Variants in ORC6 observed in about 807,000 individuals in gnomAD.
ORC6 encodes the protein origin recognition complex subunit 6.
In ORC6, 31 loss-of-function variants were observed where a neutral mutation model predicts 30.0. That is an observed-to-expected ratio of 1.03 (90% CI 0.78 to 1.40). The LOEUF (loss-of-function observed/expected upper bound fraction) is 1.40, where lower values mean the gene tolerates loss of function less well. ORC6 is among the 40% of genes most tolerant of loss of function. The pLI is 0.00. For synonymous variants in ORC6, 136 were observed against 111.2 expected (o/e 1.22, Z -1.40); for missense variants, 340 against 304.3 (o/e 1.12, Z -0.87).
In ORC6 at chr16:46,689,724, G is replaced by T. The variant is rs199877491; in HGVS notation, c.19G>T (p.Gly7Trp). The change falls in exon 1 of 7, where the codon GGG (glycine) becomes TGG (tryptophan). Residue 7 changes from glycine to tryptophan, a missense_variant. Physicochemically the swap from Gly to Trp is radical, Grantham distance 184 (BLOSUM62 -2). Coordinates refer to ENST00000219097, the MANE Select transcript of ORC6 (RefSeq NM_014321.4). ...CGGCGCCATGGGGTCGGAGCTGATC[G>T]GGCGCCTAGCCCCGCGCCTGGGCCT... MGSELI[G>W]RLAPRLGLAE... The T allele has an allele frequency of 1.9e-6, 3 of 1,602,448 alleles. No individual in the cohort carries two copies. Among genetic ancestry groups the T allele is most frequent in the East Asian group, 2.2e-5 (1 of 44,484 alleles).
chr16:46,693,223 CA>C (rs1966469947), intron 4 of ORC6, 41 bp downstream of exon 4: 1 of 1,338,146 alleles, frequency 7.5e-7, no homozygotes, highest in African/African-American at 1.4e-5. Flanking sequence ...TACCAATTTA[CA>C]AGTGGGTTTT....
rs776126119 is a variant in ORC6 at position 46,689,709 on chromosome 16, G to A, written c.4G>A (p.Gly2Arg). 3.7e-5 allele frequency: 59 copies of A among 1,601,218 alleles called. No homozygotes were observed. The highest frequency in any genetic ancestry group is 4.8e-5 in the Non-Finnish European group (56 of 1,174,018). The change falls in exon 1 of 7, where the codon GGG (glycine) becomes AGG (arginine). Residue 2 changes from glycine to arginine, a missense_variant. Transcript: ENST00000219097. ...TGTTCGCTTTAGTGCCGGCGCCATGGGGTCGGAGCTGATCGGGCGCCTAGC... is the reference window on the plus strand; with the variant it reads ...TGTTCGCTTTAGTGCCGGCGCCATGAGGTCGGAGCTGATCGGGCGCCTAGC... MGSELIGRLAPR... is the reference protein window; with the variant it reads MRSELIGRLAPR...
chr16:46,695,992 T>G, intron 5 of ORC6, 25 bp from the exon 6 acceptor site: 1 of 1,574,788 alleles, frequency 6.4e-7, no homozygotes. Context: ...AGGAGAAAAA[T>G]TAACCTTGAT....
intron 3 of ORC6, among the ~76,000 whole-genome samples, 180 bp downstream of exon 3, chr16:46,692,725 G>A (rs1376272736): frequency 6.6e-6 from 1 of 151,942 alleles, no homozygotes; most frequent in African/African-American, 2.4e-5. Flanking sequence ...AAAATTAGCT[G>A]GGCGAGGCGT....
rs1966459464 is a variant in ORC6, at chr16:46,692,626, T to C, written c.359+81T>C. On this transcript the variant is annotated intron_variant, in intron 3 of 6. Coordinates refer to ENST00000219097, the MANE Select transcript of ORC6 (RefSeq NM_014321.4). ...GGCTCACGCCTGTAATCCCAGCACT[T>C]TGGGAGGCCAAGTTGGGTGGATCAT... 4.6e-5 allele frequency: 59 copies of C among 1,274,620 alleles called. 2 individuals are homozygous for C. In the South Asian group the frequency reaches 6.9e-4, roughly 15 times the overall value. 79.0% of individuals were successfully genotyped at this position (1,274,620 alleles called of 1,614,324 possible). A position where few individuals can be genotyped will look rare whatever the true frequency, so the allele number is the denominator to read the frequency against.
intron 4 of ORC6, 80 bp downstream of exon 4, chr16:46,693,262 G>A (rs1442728282): frequency 4.7e-6 from 4 of 850,224 alleles, no homozygotes; most frequent in Non-Finnish European, 8.2e-6. Flanking sequence ...TTCTAACTTA[G>A]TTGATATCAA....
At chr16:46,689,925 C>A in intron 1 of ORC6, 155 bp downstream of exon 1, 2 of 1,147,350 alleles carry the variant, frequency 1.7e-6, no homozygotes, top group East Asian at 2.8e-5. Context: ...AGAAAAACTT[C>A]TCGGCCGTGA....
intron 6 of ORC6, chr16:46,696,293 T>C (rs1470095967): frequency 5.0e-6 from 3 of 594,998 alleles, no homozygotes; most frequent in Non-Finnish European, 9.1e-6. Context: ...CAGTGGCTTA[T>C]TCCTGTAATC....
intron 4 of ORC6, chr16:46,694,557 C>T (rs1272210139): frequency 7.0e-6 from 1 of 142,908 alleles, no homozygotes; most frequent in African/African-American, 2.5e-5. Context: ...CCCCACCTCC[C>T]TCCCGGACGG....
In ORC6 at chr16:46,692,592, G is replaced by T. The variant is rs536039154; in HGVS notation, c.359+47G>T. ...AATTGAAAATGTATACCAATAGGCCGGGCGTGGTGGCTCACGCCTGTAATC... is the reference window on the plus strand; with the variant it reads ...AATTGAAAATGTATACCAATAGGCCTGGCGTGGTGGCTCACGCCTGTAATC... On this transcript the variant is annotated intron_variant, in intron 3 of 6. Transcript: ENST00000219097. 115 of 1,535,486 alleles carry T rather than the reference G, an allele frequency of 7.5e-5. No individual in the cohort carries two copies. In the East Asian group the frequency reaches 2.5e-3, roughly 33 times the overall value.
At chr16:46,691,933 C>CAA in intron 2 of ORC6, among the ~76,000 whole-genome samples, 1 of 1,564 alleles carries the variant, frequency 6.4e-4, no homozygotes, top group African/African-American at 9.1e-4. Context: ...TTCTCTCCTG[C>CAA]ACACACACAC....
In ORC6 at chr16:46,697,584, G is replaced by C; in HGVS notation, c.758G>C (p.Ter253SerextTer32). 6.2e-7 allele frequency: 1 copy of C among 1,614,058 alleles called. No homozygotes were observed. The highest frequency in any genetic ancestry group is 8.5e-7 in the Non-Finnish European group (1 of 1,179,914). ...AGTGCTCAAAAGGCTACAGCAGAGT[G>C]ATTTCAGCTTCCAAACTGGTATACA... ...AASAQKATAE[*>S] Residue 253 changes from the stop codon to serine, a stop_lost, in exon 7 of 7, where the codon TGA becomes TCA. Transcript: ENST00000219097.
At position 46,691,932 on chromosome 16, in the gene ORC6, G is replaced by GCACACA. The variant is rs34549741; in HGVS notation, c.196-428_196-423dup. Among the ~76,000 whole-genome samples the GCACACA allele has an allele frequency of 2.6e-3, 155 of 59,248 alleles. 25 individuals carry two copies. Among genetic ancestry groups the GCACACA allele is most frequent in the Middle Eastern group, 0.014 (1 of 74 alleles). The allele number at this position is 59,248 out of a possible 152,430, so 38.9% of individuals were successfully genotyped here. On this transcript the variant is annotated intron_variant, in intron 2 of 6. Transcript: ENST00000219097. Reference sequence around the variant, plus strand: ...AGTTTCCTTTTCCTCTTTCTCTCCTGCACACACACACACACACACACACAC... The same window carrying GCACACA: ...AGTTTCCTTTTCCTCTTTCTCTCCTGCACACACACACACACACACACACACACACAC...
rs765710582 is a variant in ORC6 at position 46,697,820 on chromosome 16, A to G, written c.*235A>G. On this transcript the variant is annotated 3_prime_UTR_variant, in exon 7 of 7. Transcript: ENST00000219097. ...GTATAGCCTTATGTGCTTTCCTACA[A>G]AATGGAATTGGAGGCCGGGCGCAGT... 3 of 615,102 alleles carry G rather than the reference A, an allele frequency of 4.9e-6. No homozygotes were observed. The highest frequency in any genetic ancestry group is 9.0e-6 in the Non-Finnish European group (3 of 332,606). 38.1% of individuals were successfully genotyped at this position (615,102 alleles called of 1,614,324 possible). A position where few individuals can be genotyped will look rare whatever the true frequency, so the allele number is the denominator to read the frequency against.
Position 46,691,958 on chromosome 16 carries a change from A to ACACACACACACACACTCTCT in ORC6, c.196-423_196-422insACACACACACACACTCTCTC. Among the ~76,000 whole-genome samples the ACACACACACACACACTCTCT allele has an allele frequency of 3.5e-4, 13 of 36,660 alleles. 1 individual carries two copies. Among genetic ancestry groups the ACACACACACACACACTCTCT allele is most frequent in the African/African-American group, 1.2e-3 (13 of 10,440 alleles). 24.1% of individuals were successfully genotyped at this position (36,660 alleles called of 152,430 possible). On this transcript the variant is annotated intron_variant, in intron 2 of 6. Transcript: ENST00000219097. ...CACACACACACACACACACACACAC[A>ACACACACACACACACTCTCT]CTCTCTCTCTCTCTCTCTCTCTCAC...
rs536291258 is a variant in ORC6, at chr16:46,695,870, A to G, written c.563-147A>G. 10 of 761,970 alleles carry G rather than the reference A, an allele frequency of 1.3e-5. No individual in the cohort carries two copies. The East Asian group carries it at 2.1e-4, about 16-fold the overall frequency. The allele number at this position is 761,970 out of a possible 1,614,324, so 47.2% of individuals were successfully genotyped here. A position where few individuals can be genotyped will look rare whatever the true frequency, so the allele number is the denominator to read the frequency against. On this transcript the variant is annotated intron_variant, in intron 5 of 6. Coordinates refer to ENST00000219097, the MANE Select transcript of ORC6 (RefSeq NM_014321.4). ...TGGAAAATGATTCTCAAGTCTGACA[A>G]GAGGCCCAAAAGAGAGGTCTAAGAT...
intron 1 of ORC6, 62 bp downstream of exon 1, chr16:46,689,832 GA>G (rs767344297): frequency 6.6e-7 from 1 of 1,517,978 alleles, no homozygotes. Context: ...GCCCTCAGGT[GA>G]GGCCCGCGCC....
intron 2 of ORC6, 70 bp from the exon 3 acceptor site, chr16:46,692,312 A>C (rs1411762277): frequency 2.0e-5 from 25 of 1,259,694 alleles, no homozygotes; most frequent in Non-Finnish European, 2.1e-5. Flanking sequence ...TTATTAAACA[A>C]GTGTTTAAGG....
At chr16:46,696,353 C>CA (rs1966517345) in intron 6 of ORC6, 1 of 501,192 alleles carries the variant, frequency 2.0e-6, no homozygotes, top group African/African-American at 1.9e-5. Flanking sequence ...CCCATGAGTG[C>CA]GAGACCAGCC....
Sources: gnomAD v4.1 joint callset for allele counts (sites outside exome capture counted in the v4.1 genomes callset) on GRCh38, gnomAD v4.1.1 for gene constraint, MANE v1.5 for transcripts, NCBI Gene and HGNC (gene_info 2026-07-23, HGNC 2026-07-21) for gene names.